The following TNIP3 variants were observed in gnomAD, a reference collection of about 807,000 sequenced individuals.
The protein encoded by TNIP3 is TNFAIP3-interacting protein 3.
A neutral mutation model predicts 54.1 loss-of-function variants in TNIP3; 34 were observed. The observed-to-expected ratio is 0.63, with a 90% CI of 0.48 to 0.84. The LOEUF (loss-of-function observed/expected upper bound fraction) is 0.84. TNIP3 is among the 40% of genes least tolerant of loss of function. The pLI is 0.00. For missense variants in TNIP3, 366 were observed against 387.6 expected (o/e 0.94, Z 0.47); for synonymous variants, 134 against 136.8 (o/e 0.98, Z 0.14).
At chr4:121,170,315 C>T (rs959210129) in intron 3 of TNIP3, among the ~76,000 whole-genome samples, 8 of 152,108 alleles carry the variant, frequency 5.3e-5, no homozygotes, top group South Asian at 2.1e-4. Context: ...TGAATGAGTC[C>T]GTTTATGTAT....
intron 2 of TNIP3, among the ~76,000 whole-genome samples, chr4:121,160,493 G>T (rs1228924636): frequency 1.3e-5 from 2 of 150,218 alleles, no homozygotes; most frequent in Non-Finnish European, 3.0e-5. Flanking sequence ...AAAAAAGAAG[G>T]AATTACAAAA....
chr4:121,178,916 A>G (rs983662496), intron 3 of TNIP3, among the ~76,000 whole-genome samples: 1 of 152,214 alleles, frequency 6.6e-6, no homozygotes, highest in Non-Finnish European at 1.5e-5. Context: ...ACATAGATAC[A>G]TAAGTGATCA....
At chr4:121,148,660 A>T (rs1729567076) in intron 6 of TNIP3, among the ~76,000 whole-genome samples, 1 of 152,212 alleles carries the variant, frequency 6.6e-6, no homozygotes, top group African/African-American at 2.4e-5. Context: ...AATGAAGCAG[A>T]TTATTCAAGT....
chr4:121,153,208 G>A (rs541336020), intron 5 of TNIP3, among the ~76,000 whole-genome samples: 80 of 151,882 alleles, frequency 5.3e-4, no homozygotes, highest in African/African-American at 1.4e-3. Flanking sequence ...TATAATCACC[G>A]GAATGATGAA....
intron 3 of TNIP3, among the ~76,000 whole-genome samples, chr4:121,180,313 T>C (rs1724612177): frequency 6.6e-6 from 1 of 151,808 alleles, no homozygotes; most frequent in Non-Finnish European, 1.5e-5. Flanking sequence ...GGCAGGAGAA[T>C]GGCATGAACT....
chr4:121,137,830 T>C (rs564529668), intron 10 of TNIP3: 8 of 397,582 alleles, frequency 2.0e-5, no homozygotes, highest in African/African-American at 1.5e-4. Flanking sequence ...CTTTGGAAAT[T>C]AACAAGTTAG....
At chr4:121,163,923 T>A in intron 1 of TNIP3, 137 bp downstream of exon 1, 1 of 988,532 alleles carries the variant, frequency 1.0e-6, no homozygotes, top group Non-Finnish European at 1.4e-6. Context: ...ATAATTTTGG[T>A]TAAAAATATA....
rs146634748 is a variant in TNIP3, at chr4:121,183,787, A to T, written c.69-991T>A. 2.5e-3 allele frequency among the ~76,000 whole-genome samples: 384 copies of T among 152,050 alleles called. 5 individuals are homozygous for T. Among genetic ancestry groups the T allele is most frequent in the Non-Finnish European group, 6.8e-4 (46 of 67,978 alleles). ...GCTGCCTGCTCCTTATGAGAATCTA[A>T]TGCCTGATGATCTGTCACTGTTTCC... On this transcript the variant is annotated intron_variant, in intron 2 of 12. Transcript: ENST00000507879.
chr4:121,219,162 T>TG (rs1248206205), upstream of TNIP3, among the ~76,000 whole-genome samples: 16 of 152,038 alleles, frequency 1.1e-4, no homozygotes, highest in Non-Finnish European at 1.9e-4. Context: ...ATCACACCAT[T>TG]GCTCTCCAGC....
At chr4:121,167,211 G>A (rs920668273), upstream of TNIP3, among the ~76,000 whole-genome samples, 1 of 152,000 alleles carries the variant, frequency 6.6e-6, no homozygotes, top group African/African-American at 2.4e-5. Context: ...AAAATTCCCT[G>A]CTTATGATGA....
intron 2 of TNIP3, among the ~76,000 whole-genome samples, chr4:121,197,348 T>C (rs1039333951): frequency 6.6e-6 from 1 of 151,802 alleles, no homozygotes; most frequent in Non-Finnish European, 1.5e-5. Flanking sequence ...GCCAACATGG[T>C]GAAACACCTT....
intron 3 of TNIP3, among the ~76,000 whole-genome samples, chr4:121,169,583 T>C (rs957317832): frequency 2.6e-5 from 4 of 152,358 alleles, no homozygotes; most frequent in Middle Eastern, 3.4e-3. Context: ...TTTTAGTGCC[T>C]GTGCGTGTTC....
chr4:121,197,969 T>C (rs956257222), intron 2 of TNIP3, among the ~76,000 whole-genome samples: 1 of 152,218 alleles, frequency 6.6e-6, no homozygotes, highest in African/African-American at 2.4e-5. Context: ...TGTGAAAGAT[T>C]CACTGATATT....
chr4:121,211,241 A>G (rs759948051), intron 2 of TNIP3, among the ~76,000 whole-genome samples: 38 of 152,236 alleles, frequency 2.5e-4, no homozygotes, highest in Non-Finnish European at 4.6e-4. Flanking sequence ...AATATTTAGA[A>G]TATGAAGTGA....
At chr4:121,217,324 T>C (rs1409430200), upstream of TNIP3, among the ~76,000 whole-genome samples, 1 of 152,080 alleles carries the variant, frequency 6.6e-6, no homozygotes, top group East Asian at 1.9e-4. Flanking sequence ...ACGAAGCCAG[T>C]TTGTCTGAGT....
chr4:121,147,611 T>C (rs1278452663), intron 6 of TNIP3, among the ~76,000 whole-genome samples: 1 of 152,204 alleles, frequency 6.6e-6, no homozygotes, highest in Non-Finnish European at 1.5e-5. Context: ...CTCCAAATAT[T>C]TGAGAAAAGT....
chr4:121,179,010 C>T (rs1724529142), intron 3 of TNIP3, among the ~76,000 whole-genome samples: 2 of 152,116 alleles, frequency 1.3e-5, no homozygotes, highest in African/African-American at 4.8e-5. Context: ...TGAGTAACGC[C>T]ATGTGGGACT....
chr4:121,158,949 G>GA (rs754585217), intron 2 of TNIP3, among the ~76,000 whole-genome samples, 197 bp from the exon 3 acceptor site: 1 of 152,292 alleles, frequency 6.6e-6, no homozygotes, highest in Non-Finnish European at 1.5e-5. Flanking sequence ...GTTCGTATAT[G>GA]AAAAACTACT....
At chr4:121,155,506 A>G (rs772044373) in intron 4 of TNIP3, among the ~76,000 whole-genome samples, 1 of 152,156 alleles carries the variant, frequency 6.6e-6, no homozygotes, top group African/African-American at 2.4e-5. Context: ...TGTGATTATT[A>G]TTTTTAAAAG....
Sources: gnomAD v4.1 joint callset for allele counts (sites outside exome capture counted in the v4.1 genomes callset) on GRCh38, gnomAD v4.1.1 for gene constraint, MANE v1.5 for transcripts, NCBI Gene and HGNC (gene_info 2026-07-23, HGNC 2026-07-21) for gene names.